Variants in LPCAT2 observed in about 807,000 individuals in gnomAD.
LPCAT2 encodes lysophosphatidylcholine acyltransferase 2.
In LPCAT2, 58 loss-of-function variants were observed where a neutral mutation model predicts 64.7. That is an observed-to-expected ratio of 0.90 (90% CI 0.73 to 1.12). The LOEUF is 1.12. Ranked by LOEUF, LPCAT2 falls within the 50% of genes most tolerant of loss-of-function variation. The pLI is 0.00. For synonymous variants in LPCAT2, 252 were observed against 245.3 expected (o/e 1.03, Z -0.26); for missense variants, 579 against 669.8 (o/e 0.86, Z 1.50).
chr16:55,552,246 A>T (rs1477175518), intron 11 of LPCAT2, among the ~76,000 whole-genome samples: 8 of 152,138 alleles, frequency 5.3e-5, no homozygotes, highest in African/African-American at 1.4e-4. Flanking sequence ...TGCATTTGAG[A>T]TCCAGGCATG....
Position 55,529,889 on chromosome 16 carries a change from G to GCATCATT in LPCAT2, c.584_585insCATCATT (p.Lys196IlefsTer8). On this transcript the variant is annotated frameshift_variant, in exon 4 of 14. Coordinates refer to ENST00000262134, the MANE Select transcript of LPCAT2 (RefSeq NM_017839.5). LOFTEE classifies it high-confidence loss of function. ...GTGTCCCGTGTAGATCCGGATTCCC[G>GCATCATT]AAAAAACACAATAAATGAAATAATA... 1 of 1,583,142 alleles carries GCATCATT rather than the reference G, an allele frequency of 6.3e-7. No individual in the cohort carries two copies. The highest frequency in any genetic ancestry group is 8.6e-7 in the Non-Finnish European group (1 of 1,165,240).
chr16:55,583,015 G>A lies in LPCAT2; in HGVS notation c.1552G>A (p.Val518Ile), dbSNP rs763474260. Residue 518 changes from valine (V) to isoleucine (I), a missense_variant, in exon 14 of 14, where the codon GTC (valine) becomes ATC (isoleucine). Transcript: ENST00000262134. ...CCATGTGTTTTCATTACCAAAAGAA[G>A]TCCAGACAACCCCCTCCACCGCCAG... ...TCHVFSLPKE[V>I]QTTPSTASNK... 4.3e-6 allele frequency: 7 copies of A among 1,613,626 alleles called. No individual in the cohort carries two copies. The East Asian group carries it at 1.3e-4, about 31-fold the overall frequency.
chr16:55,582,891 G>A (rs769710244), intron 13 of LPCAT2, 23 bp from the exon 14 acceptor site: 20 of 1,528,366 alleles, frequency 1.3e-5, no homozygotes, highest in Non-Finnish European at 1.8e-5. Context: ...CAACTTATTG[G>A]ATTTTTTTTC....
intron 12 of LPCAT2, 100 bp from the exon 13 acceptor site, chr16:55,579,009 C>A: frequency 9.2e-7 from 1 of 1,081,766 alleles, no homozygotes; most frequent in Non-Finnish European, 1.4e-6. Flanking sequence ...CTAGCCCTTG[C>A]CACAGTAGAT....
intron 1 of LPCAT2, among the ~76,000 whole-genome samples, chr16:55,517,687 T>C (rs1366798990): frequency 2.0e-5 from 3 of 152,166 alleles, no homozygotes; most frequent in South Asian, 2.1e-4. Flanking sequence ...TCGTTCAACA[T>C]AGAAAAATTA....
At chr16:55,530,525 C>T (rs1963239501) in intron 4 of LPCAT2, among the ~76,000 whole-genome samples, 1 of 151,780 alleles carries the variant, frequency 6.6e-6, no homozygotes, top group African/African-American at 2.4e-5. Flanking sequence ...CAAAATAAGC[C>T]AAGGGTGATT....
chr16:55,567,763 G>A (rs1378602787), intron 11 of LPCAT2: 1 of 383,262 alleles, frequency 2.6e-6, no homozygotes, highest in Non-Finnish European at 4.8e-6. Flanking sequence ...TGGGGAGGTT[G>A]TGGGGTAGAG....
chr16:55,549,190 C>G, intron 9 of LPCAT2, 87 bp from the exon 10 acceptor site: 1 of 1,066,938 alleles, frequency 9.4e-7, no homozygotes, highest in Non-Finnish European at 1.3e-6. Context: ...CATTTGCTGT[C>G]GTTTGGAACC....
At chr16:55,565,361 T>C (rs1008988575) in intron 11 of LPCAT2, among the ~76,000 whole-genome samples, 10 of 152,076 alleles carry the variant, frequency 6.6e-5, no homozygotes, top group Non-Finnish European at 1.2e-4. Flanking sequence ...TCTTGGTATA[T>C]ACCCAAAAGA....
At chr16:55,562,480 A>T (rs1282776774) in intron 11 of LPCAT2, among the ~76,000 whole-genome samples, 2 of 151,958 alleles carry the variant, frequency 1.3e-5, no homozygotes, top group Non-Finnish European at 2.9e-5. Flanking sequence ...AATTTTTCTT[A>T]CCTTATCTAA....
rs1039471693 is a variant in LPCAT2, at chr16:55,529,925, C to T, written c.620C>T (p.Thr207Ile). The change falls in exon 4 of 14, where the codon ACA (threonine) becomes ATA (isoleucine). Residue 207 changes from threonine to isoleucine, a missense_variant. By Grantham distance (89) the Thr-to-Ile change is moderately conservative. Transcript: ENST00000262134. Reference sequence around the variant, plus strand: ...ATAAATGAAATAATAAAGCGAACAACATCAGGAGGAGAATGGCCCCAGGTA... The same window carrying T: ...ATAAATGAAATAATAAAGCGAACAATATCAGGAGGAGAATGGCCCCAGGTA... ...NTINEIIKRT[T>I]SGGEWPQILV... is the part of the protein sequence containing the mutation. 6.2e-7 allele frequency: 1 copy of T among 1,610,650 alleles called. No individual in the cohort carries two copies. Among genetic ancestry groups the T allele is most frequent in the Non-Finnish European group, 8.5e-7 (1 of 1,178,536 alleles).
At chr16:55,519,370 G>A (rs921235853) in intron 1 of LPCAT2, among the ~76,000 whole-genome samples, 30 of 151,598 alleles carry the variant, frequency 2.0e-4, no homozygotes, top group Non-Finnish European at 3.4e-4. Context: ...TTAGCCGGGC[G>A]TGGTGGCGGG....
intron 13 of LPCAT2, among the ~76,000 whole-genome samples, chr16:55,580,065 C>A (rs888277312): frequency 1.3e-5 from 2 of 152,298 alleles, no homozygotes; most frequent in East Asian, 3.9e-4. Flanking sequence ...GCTGGCTTAT[C>A]TTCCCCAGTC....
At chr16:55,518,909 A>G (rs1465506208) in intron 1 of LPCAT2, among the ~76,000 whole-genome samples, 1 of 152,198 alleles carries the variant, frequency 6.6e-6, no homozygotes, top group African/African-American at 2.4e-5. Context: ...CTAGCCACCA[A>G]AGACAGAATG....
At chr16:55,558,109 A>G (rs1352660757) in intron 11 of LPCAT2, among the ~76,000 whole-genome samples, 4 of 152,250 alleles carry the variant, frequency 2.6e-5, no homozygotes, top group Admixed American at 2.6e-4. Context: ...ATTGGGGATT[A>G]GTTAAATGTC....
chr16:55,528,388 A>T lies in LPCAT2; in HGVS notation c.323A>T (p.Gln108Leu). ...CTATATTTTCAAAGGAAAATTACTCAAACAGCTTTGAAATTTCTGGGTCGT... is the reference window on the plus strand; with the variant it reads ...CTATATTTTCAAAGGAAAATTACTCTAACAGCTTTGAAATTTCTGGGTCGT... ...PITGWRRKITQTALKFLGRAM... is the reference protein window; with the variant it reads ...PITGWRRKITLTALKFLGRAM... The change falls in exon 3 of 14, where the codon CAA (glutamine) becomes CTA (leucine). Residue 108 changes from glutamine to leucine, a missense_variant. Coordinates refer to ENST00000262134, the MANE Select transcript of LPCAT2 (RefSeq NM_017839.5). 1 of 1,613,258 alleles carries T rather than the reference A, an allele frequency of 6.2e-7. No homozygotes were observed. The highest frequency in any genetic ancestry group is 1.1e-5 in the South Asian group (1 of 90,932).
chr16:55,576,639 T>G (rs1324677025), intron 12 of LPCAT2, among the ~76,000 whole-genome samples: 1 of 152,124 alleles, frequency 6.6e-6, no homozygotes, highest in Non-Finnish European at 1.5e-5. Context: ...GTCCAGCTGG[T>G]CTTGGGCCAT....
chr16:55,569,612 G>C (rs907188788), intron 11 of LPCAT2, among the ~76,000 whole-genome samples: 39 of 152,230 alleles, frequency 2.6e-4, no homozygotes, highest in African/African-American at 9.4e-4. Flanking sequence ...CACTAGGAGT[G>C]GTATTATTGC....
intron 3 of LPCAT2, 83 bp from the exon 4 acceptor site, chr16:55,529,752 C>T (rs542717779): frequency 3.7e-4 from 190 of 516,970 alleles, no homozygotes; most frequent in Admixed American, 1.8e-3. Context: ...ATTTTCCATA[C>T]AATATGTTAT....
Sources: gnomAD v4.1 joint callset for allele counts (sites outside exome capture counted in the v4.1 genomes callset) on GRCh38, gnomAD v4.1.1 for gene constraint, MANE v1.5 for transcripts, NCBI Gene and HGNC (gene_info 2026-07-23, HGNC 2026-07-21) for gene names.